The following TBCD variants were observed in gnomAD, a reference collection of about 807,000 sequenced individuals.
TBCD encodes tubulin folding cofactor D.
A neutral mutation model predicts 169.3 loss-of-function variants in TBCD; 105 were observed. The observed-to-expected ratio is 0.62, with a 90% CI of 0.53 to 0.73. The LOEUF (loss-of-function observed/expected upper bound fraction) is 0.73. TBCD is among the 30% of genes least tolerant of loss of function. The probability of loss-of-function intolerance (pLI) is 0.00; values close to 1 mark genes in which losing one functional copy is unlikely to be tolerated. For missense variants in TBCD, 1,444 were observed against 1,600.1 expected (o/e 0.90, Z 1.66); for synonymous variants, 700 against 643.9 (o/e 1.09, Z -1.32).
At chr17:82,914,636 C>T (rs1490732795) in intron 23 of TBCD, among the ~76,000 whole-genome samples, 29 of 152,206 alleles carry the variant, frequency 1.9e-4, no homozygotes, top group Admixed American at 1.8e-3. Flanking sequence ...TCCCTGGGGG[C>T]CCCTTGGCTG....
intron 18 of TBCD, among the ~76,000 whole-genome samples, chr17:82,902,996 A>T (rs188481758): frequency 6.6e-6 from 1 of 152,098 alleles, no homozygotes. Context: ...TGAGGCAGTT[A>T]TTGGATATGT....
chr17:82,909,069 G>A (rs992225517), intron 21 of TBCD, among the ~76,000 whole-genome samples: 2 of 152,204 alleles, frequency 1.3e-5, no homozygotes, highest in African/African-American at 4.8e-5. Flanking sequence ...CTGTGCCTCA[G>A]TTTCCCCTTC....
chr17:82,809,601 T>C, intron 11 of TBCD, 107 bp from the exon 12 acceptor site: 1 of 1,242,160 alleles, frequency 8.1e-7, no homozygotes, highest in Non-Finnish European at 1.1e-6. Context: ...TCTTCTCTCC[T>C]GGTCTCTGGA....
intron 3 of TBCD, among the ~76,000 whole-genome samples, chr17:82,765,790 G>A (rs757111965): frequency 9.2e-5 from 14 of 152,170 alleles, no homozygotes; most frequent in Non-Finnish European, 1.9e-4. Flanking sequence ...CGTAAATATG[G>A]TAATGAATAA....
chr17:82,849,867 A>G (rs1267198978), intron 13 of TBCD, among the ~76,000 whole-genome samples: 1 of 152,180 alleles, frequency 6.6e-6, no homozygotes, highest in Non-Finnish European at 1.5e-5. Flanking sequence ...CGTGCGCGGC[A>G]GCTCTTGAGG....
intron 23 of TBCD, among the ~76,000 whole-genome samples, chr17:82,917,976 G>C (rs2061170608): frequency 6.6e-6 from 1 of 152,216 alleles, no homozygotes; most frequent in Middle Eastern, 3.2e-3. Flanking sequence ...TTTTAAAAAT[G>C]TCTTAGTGGA....
chr17:82,767,157 C>T (rs116151104), intron 4 of TBCD, among the ~76,000 whole-genome samples: 134 of 152,328 alleles, frequency 8.8e-4, no homozygotes, highest in African/African-American at 3.1e-3. Context: ...GGGGCCTTGC[C>T]TCAGACGGCA....
At chr17:82,809,442 A>G (rs1382269000) in intron 11 of TBCD, among the ~76,000 whole-genome samples, 1 of 152,158 alleles carries the variant, frequency 6.6e-6, no homozygotes, top group East Asian at 1.9e-4. Flanking sequence ...GGTGGCCTGC[A>G]GCGTCCGCGT....
At position 82,908,475 on chromosome 17, in the gene TBCD, A is replaced by G. The variant is rs996836496; in HGVS notation, c.1983+654A>G. 7.1e-6 allele frequency: 3 copies of G among 423,324 alleles called. No homozygotes were observed. The Admixed American group carries it at 8.3e-5, about 12-fold the overall frequency. The allele number at this position is 423,324 out of a possible 1,614,324, so 26.2% of individuals were successfully genotyped here. On this transcript the variant is annotated intron_variant, in intron 21 of 38. Transcript: ENST00000355528. ...CTATGGATCTTGGTGTTACAGGAGAATATAAAAATTGTTCACGAGGGATTA... is the reference window on the plus strand; with the variant it reads ...CTATGGATCTTGGTGTTACAGGAGAGTATAAAAATTGTTCACGAGGGATTA...
rs530759256 is a variant in TBCD at position 82,941,553 on chromosome 17, G to A, written c.3564+70G>A. 6.1e-5 allele frequency: 86 copies of A among 1,411,512 alleles called. 1 individual carries two copies. The South Asian group carries it at 8.7e-4, about 14-fold the overall frequency. 87.4% of individuals were successfully genotyped at this position (1,411,512 alleles called of 1,614,324 possible). A position where few individuals can be genotyped will look rare whatever the true frequency, so the allele number is the denominator to read the frequency against. On this transcript the variant is annotated intron_variant, in intron 38 of 38. Coordinates refer to ENST00000355528, the MANE Select transcript of TBCD (RefSeq NM_005993.5). ...AGCTCTGGAATGTTCTGGGGCCAGC[G>A]GCTGTGCTTAGCTTCTGCCAGCACG... is the stretch of plus-strand genomic sequence containing the variant.
chr17:82,912,056 C>T (rs1219918903), intron 23 of TBCD, among the ~76,000 whole-genome samples: 3 of 152,238 alleles, frequency 2.0e-5, no homozygotes, highest in African/African-American at 7.2e-5. Flanking sequence ...CTGGAAATTT[C>T]TCAGGAAGCA....
In TBCD at chr17:82,903,406, G is replaced by T. The variant is rs1247926834; in HGVS notation, c.1732G>T (p.Val578Phe). ...VTMKISHWDG[V>F]IRELAARALH... is the part of the protein sequence containing the mutation. ...ACGACATTCTCTCCTCACTCTCAGGGTCATCCGAGAGTTGGCTGCGAGGGC... is the reference window on the plus strand; with the variant it reads ...ACGACATTCTCTCCTCACTCTCAGGTTCATCCGAGAGTTGGCTGCGAGGGC... The change falls in exon 19 of 39, where the codon GTC becomes TTC. Residue 578 changes from valine to phenylalanine, a missense_variant and splice_region_variant. Val to Phe is a conservative substitution (Grantham distance 50). Coordinates refer to ENST00000355528, the MANE Select transcript of TBCD (RefSeq NM_005993.5). This position sits in a 1 kb window ranked among gnomAD's most constrained non-coding sequence, Gnocchi z 4.8. 1 of 1,601,160 alleles carries T rather than the reference G, an allele frequency of 6.2e-7. No homozygotes were observed. The highest frequency in any genetic ancestry group is 1.7e-4 in the Middle Eastern group (1 of 6,042).
At position 82,915,638 on chromosome 17, in the gene TBCD, C is replaced by T. The variant is rs1795973489; in HGVS notation, c.2038+3849C>T. On this transcript the variant is annotated intron_variant, in intron 23 of 38. Transcript: ENST00000355528. This position sits in a 1 kb window ranked among gnomAD's most constrained non-coding sequence, Gnocchi z 4.3. Reference sequence around the variant, plus strand: ...TGAAACAATCCCCAAGTTTCAGTGTCTTAAAACCACAGGTGTTTTTTTATC... The same window carrying T: ...TGAAACAATCCCCAAGTTTCAGTGTTTTAAAACCACAGGTGTTTTTTTATC... Among the ~76,000 whole-genome samples the T allele has an allele frequency of 6.6e-6, 1 of 152,206 alleles. No homozygotes were observed. Among genetic ancestry groups the T allele is most frequent in the African/African-American group, 2.4e-5 (1 of 41,450 alleles).
intron 13 of TBCD, among the ~76,000 whole-genome samples, chr17:82,819,589 G>T (rs1293458758): frequency 6.6e-6 from 1 of 150,528 alleles, no homozygotes; most frequent in Non-Finnish European, 1.5e-5. Flanking sequence ...AGGTTGAGGT[G>T]GGAGAATTGC....
chr17:82,917,024 C>CTTTT (rs66678293), intron 23 of TBCD, among the ~76,000 whole-genome samples: 2 of 130,886 alleles, frequency 1.5e-5, no homozygotes, highest in East Asian at 2.2e-4. Flanking sequence ...CTTTTCTTTT[C>CTTTT]TTTTTTTTTT....
At chr17:82,785,742 G>A (rs2049268424) in intron 7 of TBCD, among the ~76,000 whole-genome samples, 1 of 145,742 alleles carries the variant, frequency 6.9e-6, no homozygotes, top group African/African-American at 2.6e-5. Context: ...CCATCGCAGC[G>A]GGAGGGGGGT....
chr17:82,905,981 T>G lies in TBCD; in HGVS notation c.1850T>G (p.Met617Arg), dbSNP rs2292971. The change falls in exon 20 of 39, where the codon ATG becomes AGG. Residue 617 changes from methionine (M) to arginine (R), a missense_variant. Transcript: ENST00000355528. ...ATGACACTGAGTCCAGATCTTCACATGAGGCATGGGTCGATTCTCGCCTGC... is the reference window on the plus strand; with the variant it reads ...ATGACACTGAGTCCAGATCTTCACAGGAGGCATGGGTCGATTCTCGCCTGC... ...LSMTLSPDLH[M>R]RHGSILACAE... 1 of 1,608,076 alleles carries G rather than the reference T, an allele frequency of 6.2e-7. No individual in the cohort carries two copies. Among genetic ancestry groups the G allele is most frequent in the African/African-American group, 1.3e-5 (1 of 74,790 alleles).
rs750897191 is a variant in TBCD, at chr17:82,937,290, T to C, written c.3211T>C (p.Leu1071=). 1 of 1,614,046 alleles carries C rather than the reference T, an allele frequency of 6.2e-7. No homozygotes were observed. Among genetic ancestry groups the C allele is most frequent in the Non-Finnish European group, 8.5e-7 (1 of 1,179,884 alleles). ...TEEDHPFAVK[L]LALCKKEIKN... ...TTCCAGCCACCCCTTTGCTGTGAAG[T>C]TGCTTGCGCTCTGTAAGAAAGAAAT... The change falls in exon 35 of 39, where the codon TTG becomes CTG. Residue 1071 remains leucine (L), a synonymous_variant. Transcript: ENST00000355528.
chr17:82,788,005 G>C (rs183744971), intron 7 of TBCD, among the ~76,000 whole-genome samples: 197 of 152,336 alleles, frequency 1.3e-3, no homozygotes, highest in Non-Finnish European at 2.4e-3. Flanking sequence ...GGGAGGCCGA[G>C]GCAGGTGGAT....
Sources: allele counts gnomAD v4.1 joint callset (sites outside exome capture counted in the v4.1 genomes callset), GRCh38; gene constraint gnomAD v4.1.1; non-coding constraint Gnocchi (gnomAD v3.1); transcripts MANE v1.5; gene names NCBI Gene and HGNC (gene_info 2026-07-23, HGNC 2026-07-21).